Variants in XPO4 observed in about 807,000 individuals in gnomAD.
XPO4 encodes exportin 4.
XPO4 carries 39 observed loss-of-function variants against 143.0 expected under a neutral mutation model. The observed-to-expected ratio is 0.27, with a 90% confidence interval of 0.21 to 0.36. XPO4 has a LOEUF of 0.36. Ranked by LOEUF, XPO4 falls within the 10% of genes least tolerant of loss-of-function variation. XPO4 has a pLI of 1.00. For synonymous variants in XPO4, 439 were observed against 474.0 expected, an observed-to-expected ratio of 0.93 and a Z score of 0.96; for missense variants, 907 against 1,348.0, an observed-to-expected ratio of 0.67 and a Z score of 5.12.
Position 20,809,163 on chromosome 13 carries a change from T to C in XPO4, c.1413A>G (p.Arg471=), listed in dbSNP as rs1199517323. Reference sequence around the variant, plus strand: ...TGGCCAGTTGATCAGAAAACTGGTCTCGATCATCCTCTTGAAGTTCACTTA... The same window carrying C: ...TGGCCAGTTGATCAGAAAACTGGTCCCGATCATCCTCTTGAAGTTCACTTA... ...EEISELQEDD[R]DQFSDQLASV... The change falls in exon 11 of 23, where the codon CGA becomes CGG. Residue 471 remains arginine, a synonymous_variant. Transcript: ENST00000255305. 6 of 1,614,078 alleles carry C rather than the reference T, an allele frequency of 3.7e-6. No homozygotes were observed. The Admixed American group carries it at 1.0e-4, about 27-fold the overall frequency.
chr13:20,817,647 T>C (rs560447341), intron 9 of XPO4, among the ~76,000 whole-genome samples: 1 of 152,310 alleles, frequency 6.6e-6, no homozygotes, highest in Admixed American at 6.5e-5. Context: ...GAACTCAAAA[T>C]GGTTAATTAT....
chr13:20,891,422 G>A (rs1297813902), intron 1 of XPO4, among the ~76,000 whole-genome samples: 1 of 152,146 alleles, frequency 6.6e-6, no homozygotes, highest in African/African-American at 2.4e-5. Context: ...ATACATTAAA[G>A]TACAAAATAG....
rs1027720544 is a variant in XPO4, at chr13:20,779,470, A to AG, written c.*4251dup. ...AAGAGGCCTAAGAATGCAGACGGGG[A>AG]GAAAAAAAACCAAAACCAAAAAAAA... On this transcript the variant is annotated 3_prime_UTR_variant, in exon 23 of 23. Coordinates refer to ENST00000255305, the MANE Select transcript of XPO4 (RefSeq NM_022459.5). 1.8e-4 allele frequency: 27 copies of AG among 152,374 alleles called. No homozygotes were observed. Among genetic ancestry groups the AG allele is most frequent in the African/African-American group, 6.0e-4 (25 of 41,330 alleles). The allele number at this position is 152,374 out of a possible 1,614,324, so 9.4% of individuals were successfully genotyped here. A position where few individuals can be genotyped will look rare whatever the true frequency, so the allele number is the denominator to read the frequency against.
At chr13:20,888,955 AC>A (rs2060486752) in intron 1 of XPO4, among the ~76,000 whole-genome samples, 1 of 152,004 alleles carries the variant, frequency 6.6e-6, no homozygotes, top group East Asian at 1.9e-4. Context: ...GGCGTGTGCC[AC>A]CATGCCCAGT....
intron 9 of XPO4, among the ~76,000 whole-genome samples, chr13:20,812,003 T>C (rs1282648307): frequency 6.6e-6 from 1 of 152,210 alleles, no homozygotes; most frequent in Non-Finnish European, 1.5e-5. Context: ...TAGGGCATCG[T>C]CAGCACACAG....
chr13:20,797,098 C>A, intron 16 of XPO4, 41 bp from the exon 17 acceptor site: 1 of 1,514,424 alleles, frequency 6.6e-7, no homozygotes. Flanking sequence ...GCTCAGTTCT[C>A]ATGCTTTATT....
Position 20,807,489 on chromosome 13 carries a change from G to A in XPO4, c.1785C>T (p.Ile595=). ...CAGAATCTGTTCTGTTGTACCCTGG[G>A]ATGGAAGAAGCCTTTTCTCCTGGAG... ...LGSPGEKASS[I]PGYNRTDSVI... The change falls in exon 13 of 23, where the codon ATC becomes ATT. Residue 595 remains isoleucine, a synonymous_variant. Transcript: ENST00000255305. 1 of 1,613,580 alleles carries A rather than the reference G, an allele frequency of 6.2e-7. No individual in the cohort carries two copies. Among genetic ancestry groups the A allele is most frequent in the Non-Finnish European group, 8.5e-7 (1 of 1,179,822 alleles).
intron 13 of XPO4, among the ~76,000 whole-genome samples, chr13:20,802,811 A>G (rs541315634): frequency 5.3e-5 from 8 of 152,332 alleles, no homozygotes; most frequent in African/African-American, 1.2e-4. Context: ...TTCAATGACC[A>G]TAAGACCATT....
chr13:20,806,354 T>C (rs959300941), intron 13 of XPO4, among the ~76,000 whole-genome samples: 1 of 152,154 alleles, frequency 6.6e-6, no homozygotes, highest in African/African-American at 2.4e-5. Flanking sequence ...GTTTAAATGA[T>C]ATCCATATAT....
At chr13:20,893,688 G>A (rs995188334) in intron 1 of XPO4, among the ~76,000 whole-genome samples, 13 of 151,776 alleles carry the variant, frequency 8.6e-5, no homozygotes, top group East Asian at 7.8e-4. Flanking sequence ...CCTGGGAGGC[G>A]GAGGTTGCGG....
At chr13:20,866,100 C>G (rs1187583733) in intron 2 of XPO4, 5 of 985,124 alleles carry the variant, frequency 5.1e-6, no homozygotes, top group Non-Finnish European at 6.0e-6. Flanking sequence ...TTAACAAGAA[C>G]AGAACTCACT....
intron 14 of XPO4, 121 bp downstream of exon 14, chr13:20,800,709 GA>G: frequency 7.9e-7 from 1 of 1,261,162 alleles, no homozygotes; most frequent in Admixed American, 2.4e-5. Flanking sequence ...CTTCCACACA[GA>G]AAATGTTAAA....
intron 1 of XPO4, among the ~76,000 whole-genome samples, chr13:20,889,232 C>T (rs537502275): frequency 4.6e-5 from 7 of 152,266 alleles, no homozygotes; most frequent in African/African-American, 1.7e-4. Context: ...GTGCCATGTG[C>T]GCATGGCTAG....
intron 1 of XPO4, among the ~76,000 whole-genome samples, chr13:20,876,321 A>G (rs1457933419): frequency 4.6e-5 from 7 of 151,704 alleles, no homozygotes; most frequent in Non-Finnish European, 4.4e-5. Flanking sequence ...AAATCTAAAC[A>G]CGTATGAAGA....
chr13:20,794,485 C>A (rs987360147), intron 18 of XPO4, among the ~76,000 whole-genome samples: 1 of 152,156 alleles, frequency 6.6e-6, no homozygotes, highest in African/African-American at 2.4e-5. Flanking sequence ...CCTCTGGGGA[C>A]AAGATTCTTA....
chr13:20,888,214 G>C (rs1334309937), intron 1 of XPO4, among the ~76,000 whole-genome samples: 1 of 147,198 alleles, frequency 6.8e-6, no homozygotes, highest in Non-Finnish European at 1.5e-5. Flanking sequence ...ATAAGAAAAT[G>C]AATGATGAAA....
chr13:20,860,912 G>A (rs890529841), intron 3 of XPO4, among the ~76,000 whole-genome samples: 5 of 149,450 alleles, frequency 3.3e-5, no homozygotes, highest in African/African-American at 1.2e-4. Context: ...CTTTGCCTTT[G>A]TTCTCTCCTG....
At chr13:20,800,059 TA>T in intron 15 of XPO4, 96 bp downstream of exon 15, 1 of 1,395,298 alleles carries the variant, frequency 7.2e-7, no homozygotes, top group Non-Finnish European at 9.6e-7. Context: ...TAGGACCGTG[TA>T]ACCATTTGCC....
At chr13:20,794,667 GCTGCACAGAGCTGTGACCATGCGA>G (rs1398361570) in intron 18 of XPO4, among the ~76,000 whole-genome samples, 1 of 152,136 alleles carries the variant, frequency 6.6e-6, no homozygotes, top group Non-Finnish European at 1.5e-5. Flanking sequence ...TGAGGTTGAG[GCTGCACAGAGCTGTGACCATGCGA>G]CTGCACTCTA....
Sources: gnomAD v4.1 joint callset for allele counts (sites outside exome capture counted in the v4.1 genomes callset) on GRCh38, gnomAD v4.1.1 for gene constraint, MANE v1.5 for transcripts, NCBI Gene and HGNC (gene_info 2026-07-23, HGNC 2026-07-21) for gene names.